The following FBXO36 variants were observed in gnomAD, a reference collection of about 807,000 sequenced individuals.
The protein encoded by FBXO36 is F-box protein 36, also known as F-box only protein 36.
A neutral mutation model predicts 17.0 loss-of-function variants in FBXO36; 18 were observed. The observed-to-expected ratio is 1.06, with a 90% CI of 0.73 to 1.57. The LOEUF (loss-of-function observed/expected upper bound fraction) is 1.57. Ranked by LOEUF, FBXO36 falls within the 40% of genes most tolerant of loss-of-function variation. The probability of loss-of-function intolerance (pLI) is 0.00; values close to 1 mark genes in which losing one functional copy is unlikely to be tolerated. For synonymous variants in FBXO36, 83 were observed against 85.3 expected, an observed-to-expected ratio of 0.97 and a Z score of 0.15; for missense variants, 229 against 221.9, an observed-to-expected ratio of 1.03 and a Z score of -0.20.
In FBXO36 at chr2:229,996,948, A is replaced by G. The variant is rs758148675; in HGVS notation, c.378+25A>G. ...GGTAACGGTCAATTATTTTATGTCT[A>G]TATAGAATTTTCCATGTGCTTTCTA... On this transcript the variant is annotated intron_variant, in intron 3 of 3. Transcript: ENST00000283946. The G allele has an allele frequency of 3.2e-6, 5 of 1,584,144 alleles. No individual in the cohort carries two copies. The Admixed American group carries it at 5.8e-5, about 18-fold the overall frequency.
chr2:229,940,546 C>A (rs2076992775), intron 1 of FBXO36, among the ~76,000 whole-genome samples: 1 of 152,160 alleles, frequency 6.6e-6, no homozygotes, highest in Non-Finnish European at 1.5e-5. Context: ...CTGAGTACCA[C>A]AGACTGTGAC....
chr2:229,985,431 G>A (rs186352486), intron 2 of FBXO36, among the ~76,000 whole-genome samples: 2 of 151,880 alleles, frequency 1.3e-5, no homozygotes, highest in East Asian at 1.9e-4. Flanking sequence ...AGACTTATAC[G>A]TCAGCCTTTA....
chr2:229,966,318 G>A (rs1246055531), intron 1 of FBXO36, among the ~76,000 whole-genome samples: 107 of 152,002 alleles, frequency 7.0e-4, no homozygotes, highest in Middle Eastern at 3.4e-3. Context: ...ATTTTCTCCC[G>A]TTCTGTAGGT....
intron 1 of FBXO36, among the ~76,000 whole-genome samples, chr2:229,966,525 A>T (rs1448588549): frequency 6.6e-6 from 1 of 152,232 alleles, no homozygotes; most frequent in African/African-American, 2.4e-5. Flanking sequence ...TCTAACATTT[A>T]AGTCTTTAAT....
At chr2:229,930,104 T>C (rs1050705953) in intron 1 of FBXO36, among the ~76,000 whole-genome samples, 2 of 152,012 alleles carry the variant, frequency 1.3e-5, no homozygotes, top group Non-Finnish European at 2.9e-5. Context: ...TCCTAGCACG[T>C]TGGGAGACCT....
rs557497876 is a variant in FBXO36, at chr2:229,963,318, C to A, written c.97-12923C>A. On this transcript the variant is annotated intron_variant, in intron 1 of 3. Transcript: ENST00000283946. Reference sequence around the variant, plus strand: ...TGACCTCGTGATCCGCCCACCTCGGCCTCCCAAAGTGCTGGGATTACAGAT... The same window carrying A: ...TGACCTCGTGATCCGCCCACCTCGGACTCCCAAAGTGCTGGGATTACAGAT... Among the ~76,000 whole-genome samples, 177 of 152,218 alleles carry A rather than the reference C, an allele frequency of 1.2e-3. 1 individual carries two copies. The highest frequency in any genetic ancestry group is 4.2e-3 in the African/African-American group (173 of 41,542).
intron 1 of FBXO36, among the ~76,000 whole-genome samples, chr2:229,927,502 T>C (rs2076919288): frequency 6.6e-6 from 1 of 152,142 alleles, no homozygotes; most frequent in Non-Finnish European, 1.5e-5. Flanking sequence ...AACAGTTAAC[T>C]TAGGTTTAAT....
intron 1 of FBXO36, among the ~76,000 whole-genome samples, chr2:229,966,480 C>T (rs937649983): frequency 6.6e-6 from 1 of 152,126 alleles, no homozygotes; most frequent in African/African-American, 2.4e-5. Context: ...AATGGTATTG[C>T]CTAGGTTTTC....
At chr2:229,962,700 C>T (rs1429909068) in intron 1 of FBXO36, among the ~76,000 whole-genome samples, 1 of 151,046 alleles carries the variant, frequency 6.6e-6, no homozygotes, top group Admixed American at 6.6e-5. Context: ...ATTTATGAGA[C>T]GGAGTTTCAC....
chr2:229,925,537 C>T (rs1016624624), intron 1 of FBXO36, among the ~76,000 whole-genome samples: 2 of 151,930 alleles, frequency 1.3e-5, no homozygotes, highest in Non-Finnish European at 2.9e-5. Context: ...CATTTCCTCC[C>T]CTTTCTCCTG....
intron 1 of FBXO36, among the ~76,000 whole-genome samples, chr2:229,954,514 A>G (rs1311551924): frequency 7.2e-6 from 1 of 139,834 alleles, no homozygotes; most frequent in African/African-American, 2.6e-5. Flanking sequence ...AAGTGCTGGG[A>G]TTACAGGCAT....
At chr2:229,986,262 G>A (rs929516816) in intron 2 of FBXO36, among the ~76,000 whole-genome samples, 21 of 152,108 alleles carry the variant, frequency 1.4e-4, no homozygotes, top group African/African-American at 4.6e-4. Flanking sequence ...GACTTTGGGA[G>A]GCCGAGGCTG....
intron 1 of FBXO36, among the ~76,000 whole-genome samples, chr2:229,966,897 GT>G (rs2077156288): frequency 2.0e-5 from 3 of 152,188 alleles, no homozygotes; most frequent in Admixed American, 1.3e-4. Flanking sequence ...CTTTAAAGTA[GT>G]TTTTTCCAAT....
At chr2:229,926,445 A>T (rs1215914385) in intron 1 of FBXO36, among the ~76,000 whole-genome samples, 3 of 151,806 alleles carry the variant, frequency 2.0e-5, no homozygotes, top group African/African-American at 7.3e-5. Context: ...ATAAATAAAT[A>T]AATAAATAAG....
At chr2:230,000,917 G>GC (rs2077355304) in intron 3 of FBXO36, among the ~76,000 whole-genome samples, 1 of 142,630 alleles carries the variant, frequency 7.0e-6, no homozygotes, top group Non-Finnish European at 1.5e-5. Context: ...GTTCAGTGGT[G>GC]AGATCTCAGC....
intron 1 of FBXO36, among the ~76,000 whole-genome samples, chr2:229,924,791 C>T (rs1000343171): frequency 6.6e-6 from 1 of 151,258 alleles, no homozygotes; most frequent in African/African-American, 2.4e-5. Flanking sequence ...TTCTTTGAGG[C>T]AGCGTCTCGC....
intron 2 of FBXO36, among the ~76,000 whole-genome samples, chr2:229,977,391 T>C (rs1403937981): frequency 6.6e-6 from 1 of 152,172 alleles, no homozygotes; most frequent in East Asian, 1.9e-4. Context: ...TTAATTATTT[T>C]AACACTTCTC....
intron 3 of FBXO36, among the ~76,000 whole-genome samples, chr2:230,008,991 C>G (rs1352155372): frequency 6.6e-6 from 1 of 152,164 alleles, no homozygotes; most frequent in Non-Finnish European, 1.5e-5. Context: ...GGATCTTAAG[C>G]AATTATGCCT....
At chr2:229,945,623 C>T (rs980622012) in intron 1 of FBXO36, among the ~76,000 whole-genome samples, 7 of 151,788 alleles carry the variant, frequency 4.6e-5, no homozygotes, top group African/African-American at 1.5e-4. Context: ...TGAATTTCTC[C>T]CTTAATTTGT....
Sources: gnomAD v4.1 joint callset for allele counts (sites outside exome capture counted in the v4.1 genomes callset) on GRCh38, gnomAD v4.1.1 for gene constraint, MANE v1.5 for transcripts, NCBI Gene and HGNC (gene_info 2026-07-23, HGNC 2026-07-21) for gene names.